Variants in FGF12 observed in about 807,000 individuals in gnomAD.
FGF12 encodes fibroblast growth factor 12.
In FGF12, 14 loss-of-function variants were observed where a neutral mutation model predicts 23.6. The ratio of observed to expected loss-of-function variants is 0.59; its 90% CI spans 0.39 to 0.93. The LOEUF (loss-of-function observed/expected upper bound fraction) is 0.93, where lower values mean the gene tolerates loss of function less well. Ranked by LOEUF, FGF12 falls within the 40% of genes least tolerant of loss-of-function variation. FGF12 has a pLI of 0.00. For synonymous variants in FGF12, 62 were observed against 77.3 expected (o/e 0.80, Z 1.04); for missense variants, 175 against 217.8 (o/e 0.80, Z 1.24).
chr3:192,155,195 T>C (rs1265560381), intron 5 of FGF12, among the ~76,000 whole-genome samples: 3 of 152,048 alleles, frequency 2.0e-5, no homozygotes, highest in Non-Finnish European at 4.4e-5. Context: ...GCGCACCCAC[T>C]GACCTGCGCC....
chr3:192,341,823 T>C (rs1717704058), intron 3 of FGF12, among the ~76,000 whole-genome samples: 1 of 152,194 alleles, frequency 6.6e-6, no homozygotes, highest in East Asian at 1.9e-4. Flanking sequence ...AATAGCTTCA[T>C]TGAACAGTAT....
chr3:192,571,569 C>T (rs751811919), intron 2 of FGF12, among the ~76,000 whole-genome samples: 1 of 152,204 alleles, frequency 6.6e-6, no homozygotes, highest in Non-Finnish European at 1.5e-5. Flanking sequence ...CAGTATCCAA[C>T]TTATTAGAAG....
intron 2 of FGF12, among the ~76,000 whole-genome samples, chr3:192,555,704 G>GGGGGAATTGCTTGAACCCGGGAGGT: frequency 6.6e-6 from 1 of 151,424 alleles, no homozygotes; most frequent in Admixed American, 6.6e-5. Flanking sequence ...AGGCTGAGGT[G>GGGGGAATTGCTTGAACCCGGGAGGT]GGGGAATTGC....
chr3:192,289,513 A>C (rs2108647855), intron 4 of FGF12, among the ~76,000 whole-genome samples: 1 of 152,280 alleles, frequency 6.6e-6, no homozygotes, highest in Non-Finnish European at 1.5e-5. Flanking sequence ...GCGAAAATAC[A>C]ATGACCATTC....
chr3:192,537,637 A>T (rs1725255545), intron 2 of FGF12, among the ~76,000 whole-genome samples: 1 of 152,106 alleles, frequency 6.6e-6, no homozygotes, highest in Non-Finnish European at 1.5e-5. Flanking sequence ...TTTTATTCAG[A>T]TTAATGGATT....
rs138906764 is a variant in FGF12 at position 192,690,278 on chromosome 3, G to A, written c.13+36903C>T. Among the ~76,000 whole-genome samples the A allele has an allele frequency of 3.9e-3, 597 of 152,080 alleles. 5 individuals carry two copies. The highest frequency in any genetic ancestry group is 0.013 in the African/African-American group (544 of 41,544). On this transcript the variant is annotated intron_variant, in intron 2 of 5. Coordinates refer to ENST00000445105, the MANE Select transcript of FGF12 (RefSeq NM_004113.6). ...AGAATACCATAATACTGAAATGGTT[G>A]TGTGTAAGTTGCTTATAGTGCCACT...
At chr3:192,296,044 C>T (rs1017495500) in intron 4 of FGF12, among the ~76,000 whole-genome samples, 3 of 143,082 alleles carry the variant, frequency 2.1e-5, no homozygotes, top group Admixed American at 7.0e-5. Context: ...ACCATGCTGA[C>T]TAACTTTGTT....
intron 2 of FGF12, among the ~76,000 whole-genome samples, chr3:192,591,752 T>C (rs565850851): frequency 1.3e-5 from 2 of 152,066 alleles, no homozygotes; most frequent in Admixed American, 1.3e-4. Context: ...AAGTCCACCA[T>C]GTTTAGAATT....
intron 5 of FGF12, among the ~76,000 whole-genome samples, chr3:192,159,974 GT>G (rs1714775235): frequency 7.2e-6 from 1 of 138,954 alleles, no homozygotes; most frequent in African/African-American, 3.1e-5. Flanking sequence ...GTGTGTGTGT[GT>G]GTGTACACAT....
chr3:192,680,574 A>G (rs1001101950), intron 2 of FGF12, among the ~76,000 whole-genome samples: 3 of 152,230 alleles, frequency 2.0e-5, no homozygotes, highest in African/African-American at 7.2e-5. Context: ...ACTTTCCGCA[A>G]TGAAAAAGAC....
intron 4 of FGF12, among the ~76,000 whole-genome samples, chr3:192,171,321 C>T (rs79650810): frequency 0.044 from 6,626 of 152,194 alleles, 189 homozygotes; most frequent in Admixed American, 0.059. Flanking sequence ...AATGAGAGTT[C>T]TAGTCTCAGA....
intron 2 of FGF12, among the ~76,000 whole-genome samples, chr3:192,361,744 C>T (rs1718737195): frequency 6.6e-6 from 1 of 152,116 alleles, no homozygotes; most frequent in African/African-American, 2.4e-5. Context: ...TGAGAATTGG[C>T]CTACACCCTA....
chr3:192,662,371 T>C (rs1009374483), intron 2 of FGF12, among the ~76,000 whole-genome samples: 2 of 152,234 alleles, frequency 1.3e-5, no homozygotes, highest in Non-Finnish European at 2.9e-5. Flanking sequence ...TAAATCTGAA[T>C]CATTGCAAAA....
chr3:192,474,074 G>T (rs1035151000), intron 2 of FGF12, among the ~76,000 whole-genome samples: 3 of 152,098 alleles, frequency 2.0e-5, no homozygotes, highest in Non-Finnish European at 2.9e-5. Context: ...TATGCATAGG[G>T]CAAATTATTG....
rs765053693 is a variant in FGF12, at chr3:192,429,098, G to A, written c.14-68560C>T. Among the ~76,000 whole-genome samples the A allele has an allele frequency of 5.0e-4, 76 of 151,982 alleles. 1 individual carries two copies. Among genetic ancestry groups the A allele is most frequent in the South Asian group, 1.2e-3 (6 of 4,816 alleles). ...ACCCCAAACACCTAGCACAATGCCT[G>A]AAAAAAAGAGTACTTCACAAATTAA... is the stretch of plus-strand genomic sequence containing the variant. On this transcript the variant is annotated intron_variant, in intron 2 of 5. Transcript: ENST00000445105.
chr3:192,474,045 A>G (rs572188835), intron 2 of FGF12, among the ~76,000 whole-genome samples: 136 of 152,366 alleles, frequency 8.9e-4, no homozygotes, highest in African/African-American at 3.0e-3. Flanking sequence ...GTCTTCACAC[A>G]GAACACAGAA....
intron 2 of FGF12, among the ~76,000 whole-genome samples, chr3:192,619,088 A>G (rs1403421512): frequency 6.6e-6 from 1 of 152,106 alleles, no homozygotes; most frequent in Non-Finnish European, 1.5e-5. Flanking sequence ...TTAATTGGTA[A>G]ACATTTGCTA....
chr3:192,590,684 A>G (rs1222853687), intron 2 of FGF12, among the ~76,000 whole-genome samples: 3 of 151,920 alleles, frequency 2.0e-5, no homozygotes, highest in Admixed American at 1.3e-4. Context: ...ACAATTACTC[A>G]TGTTCCACTC....
intron 2 of FGF12, among the ~76,000 whole-genome samples, chr3:192,376,780 T>A (rs1376659265): frequency 1.3e-5 from 2 of 152,258 alleles, no homozygotes; most frequent in Non-Finnish European, 2.9e-5. Flanking sequence ...AAATTTATTT[T>A]AGATTCATCT....
Sources: allele counts gnomAD v4.1 joint callset (sites outside exome capture counted in the v4.1 genomes callset), GRCh38; gene constraint gnomAD v4.1.1; transcripts MANE v1.5; gene names NCBI Gene and HGNC (gene_info 2026-07-23, HGNC 2026-07-21).